PDGFA: variants seen among roughly 807,000 people sequenced by gnomAD.
PDGFA encodes platelet-derived growth factor subunit A.
In PDGFA, 9 loss-of-function variants were observed where a neutral mutation model predicts 25.6. The ratio of observed to expected loss-of-function variants is 0.35; its 90% confidence interval spans 0.21 to 0.61. The LOEUF (loss-of-function observed/expected upper bound fraction) is 0.61. Among genes scored for constraint, PDGFA ranks in the 20% least tolerant of loss-of-function variants. PDGFA has a pLI of 0.75. For missense variants in PDGFA, 242 were observed against 272.8 expected, an observed-to-expected ratio of 0.89 and a Z score of 0.79; for synonymous variants, 133 against 111.8, an observed-to-expected ratio of 1.19 and a Z score of -1.20.
At chr7:512,872 C>T (rs1344741250) in intron 2 of PDGFA, 1 of 298,442 alleles carries the variant, frequency 3.4e-6, no homozygotes, top group African/African-American at 2.2e-5. Flanking sequence ...AGGGCTAAGC[C>T]AGGCCCCACC....
In PDGFA at chr7:517,366, G is replaced by A; in HGVS notation, c.160+28C>T. The A allele has an allele frequency of 8.3e-7, 1 of 1,201,332 alleles. No individual in the cohort carries two copies. The highest frequency in any genetic ancestry group is 1.1e-6 in the Non-Finnish European group (1 of 911,240). The allele number at this position is 1,201,332 out of a possible 1,614,324, so 74.4% of individuals were successfully genotyped here. A position where few individuals can be genotyped will look rare whatever the true frequency, so the allele number is the denominator to read the frequency against. On this transcript the variant is annotated intron_variant, in intron 2 of 5. Coordinates refer to ENST00000402802, the Ensembl canonical transcript of PDGFA. This position sits in a 1 kb window ranked among gnomAD's most constrained non-coding sequence, Gnocchi z 7.4. ...CAGGCCGCCCGCCCGCGCCCTCCCCGCGCGCGGAGGGAAGGGGCGCGATTT... is the reference window on the plus strand; with the variant it reads ...CAGGCCGCCCGCCCGCGCCCTCCCCACGCGCGGAGGGAAGGGGCGCGATTT...
chr7:519,097 TTAGGGA>T, exon 1 of PDGFA: 1 of 900,250 alleles, frequency 1.1e-6, no homozygotes, highest in Non-Finnish European at 1.6e-6. Context: ...GTACCATCCC[TTAGGGA>T]GCGCGGCCCG....
intron 4 of PDGFA, among the ~76,000 whole-genome samples, chr7:509,988 G>A (rs993814154): frequency 6.6e-6 from 1 of 152,016 alleles, no homozygotes; most frequent in Admixed American, 6.5e-5. Flanking sequence ...AAGCCGGGGG[G>A]GCCCTCCAAA....
intron 2 of PDGFA, among the ~76,000 whole-genome samples, chr7:516,930 G>A (rs1347511189): frequency 1.3e-5 from 2 of 152,014 alleles, no homozygotes; most frequent in Non-Finnish European, 2.9e-5. Flanking sequence ...GATTACAGAG[G>A]GGGCCGGGCC....
At chr7:499,044 AT>A (rs1179590132) in intron 5 of PDGFA, among the ~76,000 whole-genome samples, 2 of 152,180 alleles carry the variant, frequency 1.3e-5, no homozygotes, top group Admixed American at 1.3e-4. Context: ...TCCACATCCC[AT>A]GTGGCCTCTC....
At chr7:503,968 G>A (rs1235050451) in intron 4 of PDGFA, among the ~76,000 whole-genome samples, 1 of 152,122 alleles carries the variant, frequency 6.6e-6, no homozygotes, top group Non-Finnish European at 1.5e-5. Context: ...CCACACTCCC[G>A]CGGCAATCTG....
chr7:520,152 G>A, upstream of PDGFA: 1 of 308,426 alleles, frequency 3.2e-6, no homozygotes, highest in Non-Finnish European at 6.5e-6. Context: ...GCACCGGGTG[G>A]GGAGGGAGGA....
At chr7:511,071 C>A in intron 3 of PDGFA, 75 bp from the exon 4 acceptor site, 2 of 1,243,460 alleles carry the variant, frequency 1.6e-6, no homozygotes, top group African/African-American at 1.5e-5. Context: ...GAGGCGGCTC[C>A]AGCTGGGCCT....
At chr7:502,224 T>C (rs976917666) in intron 4 of PDGFA, among the ~76,000 whole-genome samples, 2 of 152,034 alleles carry the variant, frequency 1.3e-5, no homozygotes, top group Non-Finnish European at 2.9e-5. Flanking sequence ...CCTGTCTCTA[T>C]TAATATTAAA....
intron 4 of PDGFA, among the ~76,000 whole-genome samples, chr7:509,631 T>C (rs978551049): frequency 2.0e-5 from 3 of 152,098 alleles, no homozygotes; most frequent in African/African-American, 4.8e-5. Flanking sequence ...ATGGAATTAG[T>C]GCCCTTCGAA....
intron 3 of PDGFA, among the ~76,000 whole-genome samples, 171 bp downstream of exon 3, chr7:512,180 G>C (rs995628270): frequency 2.0e-5 from 3 of 152,178 alleles, no homozygotes; most frequent in Non-Finnish European, 4.4e-5. Flanking sequence ...CAGAGCCAGA[G>C]GCACCAGGGC....
chr7:503,706 T>A lies in PDGFA; in HGVS notation c.454-2464A>T, dbSNP rs989011636. Among the ~76,000 whole-genome samples the A allele has an allele frequency of 5.9e-5, 9 of 152,094 alleles. No homozygotes were observed. The South Asian group carries it at 8.3e-4, about 14-fold the overall frequency. Reference sequence around the variant, plus strand: ...GGACCAGGCTTGTCCGAGGCTGAGTTAATGGTTAACCCACAGTGCAAAGGG... The same window carrying A: ...GGACCAGGCTTGTCCGAGGCTGAGTAAATGGTTAACCCACAGTGCAAAGGG... On this transcript the variant is annotated intron_variant, in intron 4 of 5. Coordinates refer to ENST00000402802, the Ensembl canonical transcript of PDGFA.
intron 4 of PDGFA, among the ~76,000 whole-genome samples, chr7:506,500 T>G (rs28758510): frequency 0.26 from 38,929 of 151,610 alleles, 5,376 homozygotes; most frequent in Middle Eastern, 0.34. Context: ...CCAGCCACTC[T>G]GTTCCAGGGA....
chr7:500,762 T>C lies in PDGFA; in HGVS notation c.580+354A>G. On this transcript the variant is annotated intron_variant, in intron 5 of 5. Transcript: ENST00000402802. The surrounding 1 kb of genome is among the most constrained non-coding windows in gnomAD (Gnocchi z 5.0). Reference sequence around the variant, plus strand: ...CCAGGGCAACTGCAGTCCTCGAACCTGCTCCTCCCGCCCACCCTGGCAGGA... The same window carrying C: ...CCAGGGCAACTGCAGTCCTCGAACCCGCTCCTCCCGCCCACCCTGGCAGGA... 1 of 1,439,962 alleles carries C rather than the reference T, an allele frequency of 6.9e-7. No individual in the cohort carries two copies. Among genetic ancestry groups the C allele is most frequent in the Non-Finnish European group, 9.1e-7 (1 of 1,099,690 alleles). 89.2% of individuals were successfully genotyped at this position (1,439,962 alleles called of 1,614,324 possible).
At chr7:519,616 C>T (rs2128409579), upstream of PDGFA, among the ~76,000 whole-genome samples, 1 of 145,706 alleles carries the variant, frequency 6.9e-6, no homozygotes, top group South Asian at 2.1e-4. Context: ...GCCCTCGGCT[C>T]CGGCGCCGCG....
chr7:516,871 A>C (rs1050062555), intron 2 of PDGFA, among the ~76,000 whole-genome samples: 1 of 152,308 alleles, frequency 6.6e-6, no homozygotes, highest in African/African-American at 2.4e-5. Flanking sequence ...CGGCTTCTGC[A>C]GCCACAGAGG....
intron 4 of PDGFA, among the ~76,000 whole-genome samples, chr7:504,835 G>C (rs1352662379): frequency 6.6e-6 from 1 of 152,214 alleles, no homozygotes; most frequent in Non-Finnish European, 1.5e-5. Flanking sequence ...CCAGACACCA[G>C]ACGCCCAGGC....
At chr7:511,456 C>T (rs1349575418) in intron 3 of PDGFA, among the ~76,000 whole-genome samples, 1 of 143,804 alleles carries the variant, frequency 7.0e-6, no homozygotes, top group African/African-American at 2.5e-5. Flanking sequence ...GTGAATCCTA[C>T]AGCACTTGCT....
intron 4 of PDGFA, among the ~76,000 whole-genome samples, chr7:507,464 C>T (rs1465622573): frequency 1.3e-5 from 2 of 152,216 alleles, no homozygotes; most frequent in African/African-American, 4.8e-5. Flanking sequence ...CTGGAAGCCT[C>T]TAGACCCCAC....
Sources: allele counts gnomAD v4.1 joint callset (sites outside exome capture counted in the v4.1 genomes callset), GRCh38; gene constraint gnomAD v4.1.1; non-coding constraint Gnocchi (gnomAD v3.1); transcripts MANE v1.5; gene names NCBI Gene and HGNC (gene_info 2026-07-23, HGNC 2026-07-21).